Variants in DIABLO observed in about 807,000 individuals in gnomAD.
The protein encoded by DIABLO is diablo IAP-binding mitochondrial protein, also known as diablo homolog, mitochondrial.
A neutral mutation model predicts 31.7 loss-of-function variants in DIABLO; 32 were observed. The observed-to-expected ratio is 1.01, with a 90% CI of 0.76 to 1.35. The LOEUF is 1.35. Ranked by LOEUF, DIABLO falls within the 40% of genes most tolerant of loss-of-function variation. The pLI is 0.00. For synonymous variants in DIABLO, 132 were observed against 103.2 expected, an observed-to-expected ratio of 1.28 and a Z score of -1.69; for missense variants, 316 against 286.4, an observed-to-expected ratio of 1.10 and a Z score of -0.75.
At chr12:122,225,069 C>A in intron 1 of DIABLO, 1 of 351,346 alleles carries the variant, frequency 2.8e-6, no homozygotes, top group South Asian at 2.3e-5. Flanking sequence ...AAAAATTAGC[C>A]CGGAGTGGTG....
intron 3 of DIABLO, 128 bp from the exon 4 acceptor site, chr12:122,216,997 T>C: frequency 1.3e-6 from 1 of 741,178 alleles, no homozygotes. Flanking sequence ...GCTGCCTCAA[T>C]GAAATTGCAC....
upstream of DIABLO, chr12:122,226,260 G>A (rs1954472540): frequency 1.4e-6 from 1 of 704,352 alleles, no homozygotes; most frequent in South Asian, 1.5e-5. Flanking sequence ...GCCTGAGGGC[G>A]CGGAGGTGGG....
chr12:122,210,917 G>C (rs1260610932), intron 5 of DIABLO, among the ~76,000 whole-genome samples: 2 of 150,898 alleles, frequency 1.3e-5, no homozygotes, highest in Non-Finnish European at 2.9e-5. Flanking sequence ...GTGTGCACCT[G>C]TAATCCCAGC....
intron 5 of DIABLO, among the ~76,000 whole-genome samples, chr12:122,212,947 G>T (rs1312460841): frequency 1.3e-5 from 2 of 151,886 alleles, no homozygotes; most frequent in South Asian, 2.1e-4. Context: ...TTAAGACAGG[G>T]TCTTGCTTTG....
rs1953991662 is a variant in DIABLO, at chr12:122,208,504, C to G, written c.597G>C (p.Gln199His). Residue 199 changes from glutamine to histidine, a missense_variant, in exon 6 of 6, where the codon CAG (glutamine) becomes CAC (histidine). Coordinates refer to ENST00000464942, the MANE Select transcript of DIABLO (RefSeq NM_001371333.1). ...LVKLQVEEVH[Q>H]LSRKAETKLA... ...GCTTGGTTTCTGCTTTCCGGGAGAG[C>G]TGGTGCACCTCTTCCACCTGCAGTT... 6.2e-7 allele frequency: 1 copy of G among 1,614,126 alleles called. No homozygotes were observed. Among genetic ancestry groups the G allele is most frequent in the Non-Finnish European group, 8.5e-7 (1 of 1,180,038 alleles).
At chr12:122,213,489 G>GTT in intron 5 of DIABLO, among the ~76,000 whole-genome samples, 1 of 129,326 alleles carries the variant, frequency 7.7e-6, no homozygotes, top group East Asian at 2.4e-4. Context: ...TGGTAACAGA[G>GTT]TAAGACCTTG....
chr12:122,225,866 G>C (rs1593185035), intron 1 of DIABLO, 99 bp downstream of exon 1: 1 of 1,539,264 alleles, frequency 6.5e-7, no homozygotes, highest in African/African-American at 1.4e-5. Context: ...GACGAGAGAT[G>C]AGCGCGTAAG....
intron 5 of DIABLO, among the ~76,000 whole-genome samples, chr12:122,211,852 G>C (rs1038907777): frequency 1.3e-5 from 2 of 152,070 alleles, no homozygotes; most frequent in Non-Finnish European, 1.5e-5. Context: ...ATGTCTTAAT[G>C]AATTGTTCTG....
chr12:122,208,817 T>C, intron 5 of DIABLO: 1 of 620,962 alleles, frequency 1.6e-6, no homozygotes, highest in Non-Finnish European at 3.0e-6. Context: ...ATCACAATTA[T>C]TAAATGCAAC....
At chr12:122,218,481 G>T in intron 2 of DIABLO, 84 bp from the exon 3 acceptor site, 2 of 1,570,316 alleles carry the variant, frequency 1.3e-6, no homozygotes, top group Middle Eastern at 1.7e-4. Context: ...AAACGTAATT[G>T]TCATGCTGCT....
At chr12:122,210,433 C>T (rs889973109) in intron 5 of DIABLO, among the ~76,000 whole-genome samples, 2 of 144,066 alleles carry the variant, frequency 1.4e-5, no homozygotes, top group Non-Finnish European at 3.0e-5. Flanking sequence ...AGTGCAGTGG[C>T]GCGATCTCGG....
upstream of DIABLO, chr12:122,227,445 C>A (rs147778347): frequency 2.6e-4 from 116 of 454,172 alleles, no homozygotes; most frequent in East Asian, 7.6e-3. Context: ...ATTCTGCGAT[C>A]TCGGCAGAAC....
At chr12:122,215,610 AT>A (rs992101405) in intron 5 of DIABLO, among the ~76,000 whole-genome samples, 2 of 151,272 alleles carry the variant, frequency 1.3e-5, no homozygotes, top group African/African-American at 2.4e-5. Context: ...ATTAAAAAAA[AT>A]TTTTTTTTCT....
In DIABLO at chr12:122,223,575, G is replaced by A. The variant is rs144148884; in HGVS notation, c.183+937C>T. On this transcript the variant is annotated intron_variant, in intron 2 of 5. Coordinates refer to ENST00000464942, the MANE Select transcript of DIABLO (RefSeq NM_001371333.1). ...TCATCTATTACGGTCTCCCCCATTC[G>A]CCTCCAGACACATTAGCTCCATGCT... Among the ~76,000 whole-genome samples, 137 of 151,916 alleles carry A rather than the reference G, an allele frequency of 9.0e-4. 3 individuals are homozygous for A. The East Asian group carries it at 0.02, about 22-fold the overall frequency.
intron 2 of DIABLO, among the ~76,000 whole-genome samples, chr12:122,223,938 C>T (rs1460390561): frequency 6.6e-6 from 1 of 152,110 alleles, no homozygotes; most frequent in African/African-American, 2.4e-5. Flanking sequence ...GTAGTTGCCA[C>T]TAGAAGTGTG....
intron 2 of DIABLO, among the ~76,000 whole-genome samples, chr12:122,223,049 T>C (rs192272283): frequency 6.6e-6 from 1 of 152,130 alleles, no homozygotes; most frequent in East Asian, 1.9e-4. Flanking sequence ...TATCATTTCA[T>C]GCCTAGATAT....
intron 5 of DIABLO, among the ~76,000 whole-genome samples, chr12:122,215,610 A>T (rs56207858): frequency 0.051 from 7,644 of 151,324 alleles, 635 homozygotes; most frequent in African/African-American, 0.17. Flanking sequence ...ATTAAAAAAA[A>T]TTTTTTTTTC....
chr12:122,207,689 C>T lies in DIABLO; in HGVS notation c.*692G>A, dbSNP rs1259549153. ...GGACCCCAGGAGAGACGCATTTTCT[C>T]TTTCAGATGCAAACAAAATCTTACA... On this transcript the variant is annotated 3_prime_UTR_variant, in exon 6 of 6. Coordinates refer to ENST00000464942, the MANE Select transcript of DIABLO (RefSeq NM_001371333.1). 3.4e-6 allele frequency: 2 copies of T among 594,642 alleles called. No homozygotes were observed. The allele number at this position is 594,642 out of a possible 1,614,324, so 36.8% of individuals were successfully genotyped here. A position where few individuals can be genotyped will look rare whatever the true frequency, so the allele number is the denominator to read the frequency against.
chr12:122,225,906 C>A, intron 1 of DIABLO, 59 bp downstream of exon 1: 1 of 1,549,932 alleles, frequency 6.5e-7, no homozygotes, highest in Non-Finnish European at 8.7e-7. Context: ...CGGGCCACAG[C>A]GCTGTCCGCG....
Sources: gnomAD v4.1 joint callset for allele counts (sites outside exome capture counted in the v4.1 genomes callset) on GRCh38, gnomAD v4.1.1 for gene constraint, MANE v1.5 for transcripts, NCBI Gene and HGNC (gene_info 2026-07-23, HGNC 2026-07-21) for gene names.